Variants in KHDRBS3 observed in about 807,000 individuals in gnomAD.
The protein encoded by KHDRBS3 is KH domain-containing, RNA-binding, signal transduction-associated protein 3.
In KHDRBS3, 23 loss-of-function variants were observed where a neutral mutation model predicts 45.6. That is an observed-to-expected ratio of 0.50 (90% CI 0.36 to 0.72). The LOEUF is 0.72. KHDRBS3 is among the 30% of genes least tolerant of loss of function. KHDRBS3 has a pLI of 0.00. For missense variants in KHDRBS3, 352 were observed against 424.8 expected, an observed-to-expected ratio of 0.83 and a Z score of 1.51; for synonymous variants, 162 against 156.5, an observed-to-expected ratio of 1.04 and a Z score of -0.26.
At position 135,583,163 on chromosome 8, in the gene KHDRBS3, A is replaced by G. The variant is rs183621300; in HGVS notation, c.807+1090A>G. ...TGTTGAGCATTACTACAGTTCTTAC[A>G]TTTCTCTCTCCCACCTAGCTTGTGA... On this transcript the variant is annotated intron_variant, in intron 6 of 8. Coordinates refer to ENST00000355849, the MANE Select transcript of KHDRBS3 (RefSeq NM_006558.3). 2.8e-3 allele frequency among the ~76,000 whole-genome samples: 430 copies of G among 152,224 alleles called. 1 individual carries two copies. The highest frequency in any genetic ancestry group is 4.6e-3 in the Admixed American group (70 of 15,290).
intron 7 of KHDRBS3, among the ~76,000 whole-genome samples, chr8:135,610,863 A>G (rs889919902): frequency 2.6e-5 from 4 of 151,906 alleles, no homozygotes; most frequent in African/African-American, 7.3e-5. Flanking sequence ...GAGAGGGGCC[A>G]GGAGGAGTGA....
At chr8:135,491,786 C>G (rs1025082009) in intron 1 of KHDRBS3, among the ~76,000 whole-genome samples, 2 of 152,070 alleles carry the variant, frequency 1.3e-5, no homozygotes, top group Non-Finnish European at 2.9e-5. Flanking sequence ...CCTTTTTTTA[C>G]TATGTTAACA....
At chr8:135,630,211 T>C (rs1452807173) in intron 7 of KHDRBS3, among the ~76,000 whole-genome samples, 2 of 152,328 alleles carry the variant, frequency 1.3e-5, no homozygotes, top group Non-Finnish European at 2.9e-5. Context: ...CCCTTGGGTC[T>C]GGAATTCCTG....
At chr8:135,470,094 C>T (rs1821935896) in intron 1 of KHDRBS3, among the ~76,000 whole-genome samples, 1 of 152,160 alleles carries the variant, frequency 6.6e-6, no homozygotes, top group South Asian at 2.1e-4. Context: ...TATTCGTCTT[C>T]CTCTCTGTGA....
At chr8:135,607,790 T>A (rs1829531247) in intron 7 of KHDRBS3, among the ~76,000 whole-genome samples, 1 of 152,206 alleles carries the variant, frequency 6.6e-6, no homozygotes, top group African/African-American at 2.4e-5. Context: ...ATGAGGTGAT[T>A]TTGATGAAAC....
rs192349979 is a variant in KHDRBS3, at chr8:135,601,585, A to G, written c.808-5370A>G. 7.2e-5 allele frequency among the ~76,000 whole-genome samples: 11 copies of G among 152,298 alleles called. No homozygotes were observed. In the East Asian group the frequency reaches 1.5e-3, roughly 21 times the overall value. ...GACATGTAGACTGGGGCTTGTCACA[A>G]TGGGGTCCTCTAGGAGCAAATATGG... On this transcript the variant is annotated intron_variant, in intron 6 of 8. Coordinates refer to ENST00000355849, the MANE Select transcript of KHDRBS3 (RefSeq NM_006558.3).
chr8:135,621,675 C>G (rs147835731), intron 7 of KHDRBS3, among the ~76,000 whole-genome samples: 1 of 147,038 alleles, frequency 6.8e-6, no homozygotes, highest in African/African-American at 2.5e-5. Flanking sequence ...ACCAGGCAAA[C>G]CAGAAGGAAG....
intron 5 of KHDRBS3, among the ~76,000 whole-genome samples, chr8:135,576,576 T>C (rs1827955120): frequency 6.6e-6 from 1 of 152,196 alleles, no homozygotes; most frequent in African/African-American, 2.4e-5. Flanking sequence ...TCAAACATAA[T>C]TTGAGGGTTT....
chr8:135,510,057 A>AC (rs1365654161), intron 1 of KHDRBS3, among the ~76,000 whole-genome samples: 1 of 146,410 alleles, frequency 6.8e-6, no homozygotes, highest in Non-Finnish European at 1.5e-5. Context: ...ATAGGTCACT[A>AC]CAGCCTTGAC....
chr8:135,502,169 A>C (rs141506984), intron 1 of KHDRBS3, among the ~76,000 whole-genome samples: 5 of 152,270 alleles, frequency 3.3e-5, no homozygotes, highest in African/African-American at 1.2e-4. Flanking sequence ...CGAGCTATGA[A>C]TCTTCCTGCT....
At chr8:135,609,270 A>G (rs1829610186) in intron 7 of KHDRBS3, among the ~76,000 whole-genome samples, 1 of 151,250 alleles carries the variant, frequency 6.6e-6, no homozygotes, top group South Asian at 2.1e-4. Context: ...TCCTTATTCT[A>G]TATACTTTTA....
At chr8:135,576,348 T>C (rs906237602) in intron 5 of KHDRBS3, among the ~76,000 whole-genome samples, 5 of 152,232 alleles carry the variant, frequency 3.3e-5, no homozygotes, top group African/African-American at 1.2e-4. Flanking sequence ...AGGTGGAATA[T>C]CTACAAAAAT....
At chr8:135,526,793 A>T (rs900356959) in intron 2 of KHDRBS3, among the ~76,000 whole-genome samples, 10 of 152,208 alleles carry the variant, frequency 6.6e-5, no homozygotes, top group Non-Finnish European at 1.5e-4. Context: ...TGGACACAGG[A>T]ATCATTTAGT....
intron 6 of KHDRBS3, among the ~76,000 whole-genome samples, chr8:135,599,598 C>T (rs1014070944): frequency 6.6e-6 from 1 of 152,216 alleles, no homozygotes; most frequent in African/African-American, 2.4e-5. Flanking sequence ...ATTTATTCAA[C>T]AAACATGACC....
In KHDRBS3 at chr8:135,591,455, T is replaced by C. The variant is rs115352552; in HGVS notation, c.807+9382T>C. 2.1e-3 allele frequency among the ~76,000 whole-genome samples: 318 copies of C among 152,336 alleles called. 2 individuals are homozygous for C. Among genetic ancestry groups the C allele is most frequent in the African/African-American group, 6.9e-3 (288 of 41,590 alleles). On this transcript the variant is annotated intron_variant, in intron 6 of 8. Coordinates refer to ENST00000355849, the MANE Select transcript of KHDRBS3 (RefSeq NM_006558.3). ...ATAGTTTTGAATAGGAGCAGAAATA[T>C]AAACCTCCTGTTGTACGAGCAGGCC...
At chr8:135,650,529 A>C (rs1330729123), downstream of KHDRBS3, among the ~76,000 whole-genome samples, 1 of 152,214 alleles carries the variant, frequency 6.6e-6, no homozygotes, top group Middle Eastern at 3.2e-3. Flanking sequence ...CATTTTTAAA[A>C]AGGAAGAAAT....
chr8:135,504,309 T>C (rs1301844456), intron 1 of KHDRBS3, among the ~76,000 whole-genome samples: 1 of 152,192 alleles, frequency 6.6e-6, no homozygotes, highest in Non-Finnish European at 1.5e-5. Context: ...CAAAAACAGG[T>C]GACAAAATAG....
At chr8:135,472,283 C>T (rs1030090803) in intron 1 of KHDRBS3, among the ~76,000 whole-genome samples, 4 of 152,080 alleles carry the variant, frequency 2.6e-5, no homozygotes, top group Admixed American at 6.5e-5. Flanking sequence ...ACTGGGCCCA[C>T]GTACATACCT....
At chr8:135,621,599 C>T (rs1830141685) in intron 7 of KHDRBS3, among the ~76,000 whole-genome samples, 1 of 151,830 alleles carries the variant, frequency 6.6e-6, no homozygotes, top group Admixed American at 6.6e-5. Flanking sequence ...TCTTAAGCAC[C>T]TGAGATAGTG....
Sources: gnomAD v4.1 joint callset for allele counts (sites outside exome capture counted in the v4.1 genomes callset) on GRCh38, gnomAD v4.1.1 for gene constraint, MANE v1.5 for transcripts, NCBI Gene and HGNC (gene_info 2026-07-23, HGNC 2026-07-21) for gene names.